ZBTB25: variants seen among roughly 807,000 people sequenced by gnomAD.
The protein encoded by ZBTB25 is zinc finger and BTB domain-containing protein 25.
A neutral mutation model predicts 34.2 loss-of-function variants in ZBTB25; 20 were observed. The ratio of observed to expected loss-of-function variants is 0.58; its 90% confidence interval spans 0.41 to 0.85. ZBTB25 has a LOEUF of 0.85. Ranked by LOEUF, ZBTB25 falls within the 40% of genes least tolerant of loss-of-function variation. ZBTB25 has a pLI of 0.00. For missense variants in ZBTB25, 437 were observed against 521.8 expected, an observed-to-expected ratio of 0.84 and a Z score of 1.58; for synonymous variants, 175 against 186.4, an observed-to-expected ratio of 0.94 and a Z score of 0.50.
At position 64,490,198 on chromosome 14, in the gene ZBTB25, ACT is replaced by A. The variant is rs565359160; in HGVS notation, c.173+161_173+162del. Among the ~76,000 whole-genome samples the A allele has an allele frequency of 3.1e-4, 39 of 125,220 alleles. 2 individuals are homozygous for A. In the South Asian group the frequency reaches 0.01, roughly 32 times the overall value. 82.1% of individuals were successfully genotyped at this position (125,220 alleles called of 152,430 possible). On this transcript the variant is annotated intron_variant, in intron 2 of 2. Transcript: ENST00000608382. ...ACTCCAGCCTGGGTGACAGAGCAAG[ACT>A]CTGTCGCCAAAAAAAAAAAAAAAAA...
At chr14:64,460,011 G>C (rs569267675) in intron 2 of ZBTB25, 3 of 1,247,110 alleles carry the variant, frequency 2.4e-6, no homozygotes, top group Non-Finnish European at 3.3e-6. Context: ...TGCCATCTTG[G>C]TGTTGCAATA....
chr14:64,471,133 T>G (rs2078665388), intron 2 of ZBTB25: 1 of 166,692 alleles, frequency 6.0e-6, no homozygotes, highest in Admixed American at 6.6e-5. Flanking sequence ...AAAGTTAACT[T>G]TTTCATCACT....
intron 2 of ZBTB25, chr14:64,455,125 C>T (rs1596567652): frequency 2.1e-6 from 1 of 479,004 alleles, no homozygotes; most frequent in Non-Finnish European, 3.8e-6. Flanking sequence ...AATTCTGTTT[C>T]CCAGGGACAG....
rs918143871 is a variant in ZBTB25, at chr14:64,480,629, C to T, written c.*6294G>A. 1.3e-5 allele frequency: 2 copies of T among 159,346 alleles called. No individual in the cohort carries two copies. The highest frequency in any genetic ancestry group is 1.4e-5 in the Non-Finnish European group (1 of 72,238). 9.9% of individuals were successfully genotyped at this position (159,346 alleles called of 1,614,324 possible). On this transcript the variant is annotated 3_prime_UTR_variant, in exon 3 of 3. Transcript: ENST00000608382. ...CTAATAAACTTGTTTTTGATTAAGT[C>T]ACATTAATTTGTCTTGATAAAATAT...
chr14:64,485,874 TAAC>T lies in ZBTB25; in HGVS notation c.*1046_*1048del. On this transcript the variant is annotated 3_prime_UTR_variant, in exon 3 of 3. Coordinates refer to ENST00000608382, the MANE Select transcript of ZBTB25 (RefSeq NM_006977.5). ...TCTAAGAAAACACTCTAGACCAAGT[TAAC>T]AACCCTGGGGTTTTTAGTCAATGCA... The T allele has an allele frequency of 1.0e-6, 1 of 985,446 alleles. No individual in the cohort carries two copies. Among genetic ancestry groups the T allele is most frequent in the Non-Finnish European group, 1.2e-6 (1 of 829,922 alleles). The allele number at this position is 985,446 out of a possible 1,614,324, so 61.0% of individuals were successfully genotyped here. A position where few individuals can be genotyped will look rare whatever the true frequency, so the allele number is the denominator to read the frequency against.
At chr14:64,503,060 C>T (rs559256557) in intron 1 of ZBTB25, 2 of 985,314 alleles carry the variant, frequency 2.0e-6, no homozygotes, top group South Asian at 4.7e-5. Context: ...GCGCTGCCTC[C>T]GCAACTGGTA....
intron 1 of ZBTB25, 83 bp from the exon 2 acceptor site, chr14:64,490,623 T>A (rs2079046399): frequency 1.6e-6 from 2 of 1,283,740 alleles, no homozygotes; most frequent in African/African-American, 3.0e-5. Context: ...TGTCTACAGT[T>A]CACACAAACC....
Position 64,453,698 on chromosome 14 carries a change from T to G in ZBTB25, c.174-4060A>C, listed in dbSNP as rs2078416811. On this transcript the variant is annotated intron_variant, in intron 2 of 2. Coordinates refer to the ZBTB25 transcript ENST00000555220. ...ACCTAGAATGTGGCTATGTCCTGGT[T>G]AAATGTCCTCACATGTGTCCAGTCA... 3.0e-5 allele frequency: 32 copies of G among 1,076,604 alleles called. No individual in the cohort carries two copies. In the South Asian group the frequency reaches 4.1e-4, roughly 14 times the overall value. 66.7% of individuals were successfully genotyped at this position (1,076,604 alleles called of 1,614,324 possible). A position where few individuals can be genotyped will look rare whatever the true frequency, so the allele number is the denominator to read the frequency against.
chr14:64,472,645 C>T (rs1450663206), intron 2 of ZBTB25: 2 of 166,948 alleles, frequency 1.2e-5, no homozygotes, highest in Non-Finnish European at 2.9e-5. Flanking sequence ...AAAAGGAATT[C>T]CGAAATTAAC....
In ZBTB25 at chr14:64,458,216, G is replaced by A. The variant is rs909864690; in HGVS notation, c.174-8578C>T. The A allele has an allele frequency of 3.1e-6, 5 of 1,607,826 alleles. No homozygotes were observed. The highest frequency in any genetic ancestry group is 2.2e-5 in the East Asian group (1 of 44,856). On this transcript the variant is annotated intron_variant, in intron 2 of 2. Coordinates refer to the ZBTB25 transcript ENST00000555220. ...TGTAATGCTTTTTTACATCCTAGAT[G>A]AGCACAATGCCTGGACTCCCCACCC...
rs992339857 is a variant in ZBTB25, at chr14:64,459,815, C to T, written c.174-10177G>A. The stretch of plus-strand genomic sequence containing the variant: ...AAGTCTGGCCAGTGTCTATTCAGGC[C>T]CACTGGGAGTTAGGAAGTATAAGTA... On this transcript the variant is annotated intron_variant, in intron 2 of 2. Coordinates refer to the ZBTB25 transcript ENST00000555220. The T allele has an allele frequency of 1.6e-5, 24 of 1,535,678 alleles. 1 individual carries two copies. In the Middle Eastern group the frequency reaches 5.0e-4, roughly 32 times the overall value.
Position 64,459,741 on chromosome 14 carries a change from T to G in ZBTB25, c.174-10103A>C, listed in dbSNP as rs1308977914. 12 of 1,526,864 alleles carry G rather than the reference T, an allele frequency of 7.9e-6. No homozygotes were observed. In the Admixed American group the frequency reaches 2.4e-4, roughly 31 times the overall value. The allele number at this position is 1,526,864 out of a possible 1,614,324, so 94.6% of individuals were successfully genotyped here. A position where few individuals can be genotyped will look rare whatever the true frequency, so the allele number is the denominator to read the frequency against. ...TGCTTGCTTAGAGAAAACATTTATT[T>G]CTTGTTTTTCCTTCCAGATCACCAT... On this transcript the variant is annotated intron_variant, in intron 2 of 2. Transcript: ENST00000555220.
chr14:64,465,548 G>A (rs1039885822), intron 2 of ZBTB25: 1 of 152,122 alleles, frequency 6.6e-6, no homozygotes, highest in African/African-American at 2.4e-5. Context: ...GGAGGCCTGG[G>A]CGGCGGGCCC....
At position 64,485,642 on chromosome 14, in the gene ZBTB25, C is replaced by T. The variant is rs2078850227; in HGVS notation, c.*1281G>A. On this transcript the variant is annotated 3_prime_UTR_variant, in exon 3 of 3. Coordinates refer to ENST00000608382, the MANE Select transcript of ZBTB25 (RefSeq NM_006977.5). ...AGTTATAGAACACTGAATGTATCCA[C>T]TTTGCTGGTTTTATGGATCAGGAAA... is the stretch of plus-strand genomic sequence containing the variant. 1.0e-6 allele frequency: 1 copy of T among 985,392 alleles called. No homozygotes were observed. The highest frequency in any genetic ancestry group is 1.2e-6 in the Non-Finnish European group (1 of 829,922). 61.0% of individuals were successfully genotyped at this position (985,392 alleles called of 1,614,324 possible). A position where few individuals can be genotyped will look rare whatever the true frequency, so the allele number is the denominator to read the frequency against.
At chr14:64,453,569 C>CA (rs1364373979) in intron 2 of ZBTB25, among the ~76,000 whole-genome samples, 4 of 151,794 alleles carry the variant, frequency 2.6e-5, no homozygotes, top group Admixed American at 6.6e-5. Flanking sequence ...AACTCCGTCT[C>CA]AAAAAAACAA....
chr14:64,498,819 C>A (rs11158543), intron 1 of ZBTB25, among the ~76,000 whole-genome samples: 34,818 of 150,818 alleles, frequency 0.23, 4,640 homozygotes, highest in Non-Finnish European at 0.31. Context: ...TATTTTTAGT[C>A]GAGACGGGGT....
chr14:64,502,888 G>T (rs2079543168), intron 1 of ZBTB25: 6 of 985,076 alleles, frequency 6.1e-6, no homozygotes, highest in Non-Finnish European at 7.2e-6. Flanking sequence ...ATTCCAAAGT[G>T]TACTTTACAT....
downstream of ZBTB25, among the ~76,000 whole-genome samples, chr14:64,477,089 G>T (rs569139043): frequency 1.3e-5 from 2 of 152,278 alleles, no homozygotes; most frequent in East Asian, 3.9e-4. Context: ...TATACCACTT[G>T]TCTATCTTAG....
chr14:64,474,961 G>A (rs1266094705), downstream of ZBTB25, among the ~76,000 whole-genome samples: 4 of 152,092 alleles, frequency 2.6e-5, no homozygotes, highest in Non-Finnish European at 5.9e-5. Context: ...CTATCTTTTC[G>A]TAACCACAGC....
Sources: gnomAD v4.1 joint callset for allele counts (sites outside exome capture counted in the v4.1 genomes callset) on GRCh38, gnomAD v4.1.1 for gene constraint, MANE v1.5 for transcripts, NCBI Gene and HGNC (gene_info 2026-07-23, HGNC 2026-07-21) for gene names.